The following SNX8 variants were observed in gnomAD, a reference collection of about 807,000 sequenced individuals.
The protein encoded by SNX8 is sorting nexin-8.
In SNX8, 25 loss-of-function variants were observed where a neutral mutation model predicts 51.6. The ratio of observed to expected loss-of-function variants is 0.48; its 90% CI spans 0.35 to 0.68. The LOEUF (loss-of-function observed/expected upper bound fraction) is 0.68. Ranked by LOEUF, SNX8 falls within the 30% of genes least tolerant of loss-of-function variation. The probability of loss-of-function intolerance (pLI) is 0.00; values close to 1 mark genes in which losing one functional copy is unlikely to be tolerated. For missense variants in SNX8, 695 were observed against 624.0 expected (o/e 1.11, Z -1.21); for synonymous variants, 324 against 277.0 (o/e 1.17, Z -1.68).
intron 2 of SNX8, 31 bp downstream of exon 2, chr7:2,278,069 T>C (rs759197585): frequency 3.1e-6 from 5 of 1,603,536 alleles, no homozygotes; most frequent in Non-Finnish European, 3.4e-6. Context: ...TTCCCCCTCC[T>C]GCCCCGACAC....
intron 1 of SNX8, among the ~76,000 whole-genome samples, chr7:2,280,488 A>G (rs1434590905): frequency 1.3e-5 from 2 of 152,032 alleles, no homozygotes; most frequent in Non-Finnish European, 2.9e-5. Context: ...AAAAAAAAAA[A>G]AAAGTTTAAA....
rs1352257302 is a variant in SNX8, at chr7:2,264,441, G to A, written c.639C>T (p.Asp213=). ...ATRAKDFLPA[D]IQAQFAISRE... ...GGCTGATGGCAAACTGAGCCTGGAT[G>A]TCAGCTGGGAGGAAGTCCTGACATC... is the stretch of plus-strand genomic sequence containing the variant. Residue 213 remains aspartate (D), a synonymous_variant, in exon 6 of 11, where the codon GAC becomes GAT. Coordinates refer to ENST00000222990, the MANE Select transcript of SNX8 (RefSeq NM_013321.4). 4 of 1,611,406 alleles carry A rather than the reference G, an allele frequency of 2.5e-6. No individual in the cohort carries two copies. In the South Asian group the frequency reaches 4.4e-5, roughly 18 times the overall value.
chr7:2,282,245 G>A (rs1279366638), intron 1 of SNX8, among the ~76,000 whole-genome samples: 2 of 152,196 alleles, frequency 1.3e-5, no homozygotes, highest in East Asian at 1.9e-4. Context: ...GCAAGTTTTC[G>A]GTGGCGGTCA....
intron 1 of SNX8, among the ~76,000 whole-genome samples, chr7:2,308,358 A>G (rs1235770813): frequency 6.6e-6 from 1 of 152,102 alleles, no homozygotes; most frequent in Non-Finnish European, 1.5e-5. Flanking sequence ...TTTGCTCATC[A>G]GGAGTTTACT....
chr7:2,317,824 G>A (rs745553410), upstream of SNX8, among the ~76,000 whole-genome samples: 9 of 152,028 alleles, frequency 5.9e-5, no homozygotes, highest in Non-Finnish European at 1.3e-4. Flanking sequence ...TAACCTGGGA[G>A]GCCAAGGTTG....
rs377298822 is a variant in SNX8 at position 2,295,433 on chromosome 7, G to A, written c.95-17128C>T. On this transcript the variant is annotated intron_variant, in intron 1 of 10. Coordinates refer to ENST00000222990, the MANE Select transcript of SNX8 (RefSeq NM_013321.4). Reference sequence around the variant, plus strand: ...AAAAAAAAAAAAAGAGGCCAGGCACGGAGGCACACACCTGTAATCTCAGCA... The same window carrying A: ...AAAAAAAAAAAAAGAGGCCAGGCACAGAGGCACACACCTGTAATCTCAGCA... Among the ~76,000 whole-genome samples the A allele has an allele frequency of 1.6e-4, 24 of 149,420 alleles. No individual in the cohort carries two copies. In the East Asian group the frequency reaches 1.8e-3, roughly 11 times the overall value.
At chr7:2,272,178 CCA>C (rs1308754702) in intron 3 of SNX8, among the ~76,000 whole-genome samples, 1 of 152,184 alleles carries the variant, frequency 6.6e-6, no homozygotes, top group Non-Finnish European at 1.5e-5. Context: ...CCCCCTCCAG[CCA>C]CACACACTTG....
chr7:2,317,251 C>CTTTTTTTTTTTTTTTTT (rs780593342), upstream of SNX8, among the ~76,000 whole-genome samples: 2 of 43,090 alleles, frequency 4.6e-5, no homozygotes, highest in East Asian at 5.4e-4. Flanking sequence ...CCTGGACCTT[C>CTTTTTTTTTTTTTTTTT]TTTTTTTTTT....
intron 1 of SNX8, among the ~76,000 whole-genome samples, chr7:2,324,647 T>C (rs955927607): frequency 6.6e-6 from 1 of 152,066 alleles, no homozygotes; most frequent in African/African-American, 2.4e-5. Flanking sequence ...ATTTAGGAAG[T>C]GGTATGATCA....
At chr7:2,326,342 C>G (rs1583114052) in intron 1 of SNX8, among the ~76,000 whole-genome samples, 1 of 148,688 alleles carries the variant, frequency 6.7e-6, no homozygotes, top group Non-Finnish European at 1.5e-5. Context: ...TCCAGCCTAG[C>G]AAGAGAGTGA....
At chr7:2,274,041 G>C (rs576027784) in intron 3 of SNX8, among the ~76,000 whole-genome samples, 13 of 152,366 alleles carry the variant, frequency 8.5e-5, no homozygotes, top group African/African-American at 3.1e-4. Flanking sequence ...CCCAGCGCGC[G>C]TGTGCAGTTT....
In SNX8 at chr7:2,292,501, TC is replaced by T. The variant is rs1418979866; in HGVS notation, c.95-14197del. 1.1e-4 allele frequency among the ~76,000 whole-genome samples: 17 copies of T among 150,608 alleles called. No individual in the cohort carries two copies. The South Asian group carries it at 3.0e-3, about 27-fold the overall frequency. On this transcript the variant is annotated intron_variant, in intron 1 of 10. Transcript: ENST00000222990. ...ATCTCGGCTCACTGCAAGCTCCGCCTCCCAGGTTCACGCCATTCTCCTGCCT... is the reference window on the plus strand; with the variant it reads ...ATCTCGGCTCACTGCAAGCTCCGCCTCCAGGTTCACGCCATTCTCCTGCCT...
At position 2,269,600 on chromosome 7, in the gene SNX8, C is replaced by T. The variant is rs1666327387; in HGVS notation, c.580G>A (p.Gly194Arg). 3.1e-6 allele frequency: 5 copies of T among 1,602,226 alleles called. No homozygotes were observed. The highest frequency in any genetic ancestry group is 3.4e-6 in the Non-Finnish European group (4 of 1,174,616). ...NKLKESAQCV[G>R]DEFLNCKLAT... Reference sequence around the variant, plus strand: ...AGCTTACAGTTCAGGAATTCGTCCCCGACGCACTGTGCTGACTCCTTTAAC... The same window carrying T: ...AGCTTACAGTTCAGGAATTCGTCCCTGACGCACTGTGCTGACTCCTTTAAC... Residue 194 changes from glycine to arginine, a missense_variant, in exon 5 of 11, where the codon GGG becomes AGG. By Grantham distance (125) the Gly-to-Arg change is moderately radical. Coordinates refer to ENST00000222990, the MANE Select transcript of SNX8 (RefSeq NM_013321.4).
chr7:2,339,691 G>C (rs1778887768), intron 1 of SNX8, among the ~76,000 whole-genome samples: 1 of 151,960 alleles, frequency 6.6e-6, no homozygotes, highest in Admixed American at 6.6e-5. Context: ...ATAGAATCAA[G>C]ATTAGCCAAA....
At chr7:2,291,425 C>G (rs1796149061) in intron 1 of SNX8, among the ~76,000 whole-genome samples, 1 of 152,112 alleles carries the variant, frequency 6.6e-6, no homozygotes, top group Non-Finnish European at 1.5e-5. Context: ...TGGCGAAACC[C>G]TGTCTCTACT....
At chr7:2,283,059 T>C (rs1173868619) in intron 1 of SNX8, among the ~76,000 whole-genome samples, 1 of 151,422 alleles carries the variant, frequency 6.6e-6, no homozygotes, top group Non-Finnish European at 1.5e-5. Context: ...AGGCGGAGCT[T>C]GCAGTGAGCA....
intron 1 of SNX8, among the ~76,000 whole-genome samples, chr7:2,351,520 CAG>C (rs1379845553): frequency 1.3e-5 from 2 of 152,134 alleles, no homozygotes; most frequent in African/African-American, 2.4e-5. Flanking sequence ...GCCTGGGTGA[CAG>C]AGTGAGACCC....
At chr7:2,336,129 C>T (rs1170907067) in intron 1 of SNX8, among the ~76,000 whole-genome samples, 3 of 148,258 alleles carry the variant, frequency 2.0e-5, no homozygotes, top group Non-Finnish European at 4.4e-5. Context: ...GGGCTGGGCA[C>T]GGTGGCTCAC....
intron 5 of SNX8, among the ~76,000 whole-genome samples, chr7:2,268,586 C>T (rs572851972): frequency 0.011 from 1,471 of 138,906 alleles, 10 homozygotes; most frequent in African/African-American, 0.037. Flanking sequence ...CCGCCCTGTC[C>T]GGGAGGGAGG....
Sources: allele counts gnomAD v4.1 joint callset (sites outside exome capture counted in the v4.1 genomes callset), GRCh38; gene constraint gnomAD v4.1.1; transcripts MANE v1.5; gene names NCBI Gene and HGNC (gene_info 2026-07-23, HGNC 2026-07-21).